The following NRXN2 variants were observed in gnomAD, a reference collection of about 807,000 sequenced individuals.
The protein encoded by NRXN2 is neurexin-2-beta.
In NRXN2, 29 loss-of-function variants were observed where a neutral mutation model predicts 128.8. The observed-to-expected ratio is 0.23, with a 90% CI of 0.17 to 0.31. The LOEUF (loss-of-function observed/expected upper bound fraction) is 0.31, where lower values mean the gene tolerates loss of function less well. NRXN2 is among the 10% of genes least tolerant of loss of function. The pLI is 1.00. For missense variants in NRXN2, 1,881 were observed against 2,452.6 expected, an observed-to-expected ratio of 0.77 and a Z score of 4.92; for synonymous variants, 1,098 against 1,075.2, an observed-to-expected ratio of 1.02 and a Z score of -0.41.
At chr11:64,719,200 C>T (rs2057373255) in intron 1 of NRXN2, among the ~76,000 whole-genome samples, 1 of 152,088 alleles carries the variant, frequency 6.6e-6, no homozygotes, top group Admixed American at 6.6e-5. Context: ...TCCTCTGATC[C>T]TCACCAGGGC....
At chr11:64,658,888 G>A (rs1019175583) in intron 11 of NRXN2, among the ~76,000 whole-genome samples, 2 of 152,108 alleles carry the variant, frequency 1.3e-5, no homozygotes, top group African/African-American at 4.8e-5. Context: ...AGCCAGGCGT[G>A]GTGGCGGGTG....
At position 64,650,492 on chromosome 11, in the gene NRXN2, G is replaced by C. The variant is rs923301973; in HGVS notation, c.3065C>G (p.Thr1022Ser). 6 of 1,614,128 alleles carry C rather than the reference G, an allele frequency of 3.7e-6. No homozygotes were observed. The Admixed American group carries it at 6.7e-5, about 18-fold the overall frequency. ...NVHTLKIDSR[T>S]VTQHSNGARN... The stretch of plus-strand genomic sequence containing the variant: ...GGCGCCATTGGAGTGCTGCGTGACA[G>C]TGCGGGAGTCAATCTTGAGCGTGTG... Residue 1022 changes from threonine to serine, a missense_variant, in exon 15 of 23, where the codon ACT becomes AGT. This residue lies in a region of NRXN2 where 390 missense variants were observed against 599.6 expected (regional missense o/e 0.65). Coordinates refer to ENST00000265459, the MANE Select transcript of NRXN2 (RefSeq NM_015080.4).
At chr11:64,687,485 C>G (rs2053222731) in intron 5 of NRXN2, among the ~76,000 whole-genome samples, 1 of 152,204 alleles carries the variant, frequency 6.6e-6, no homozygotes, top group African/African-American at 2.4e-5. Flanking sequence ...CTGGCAAGGC[C>G]CGGTTTCCTG....
chr11:64,608,887 TAG>T (rs915716263), intron 22 of NRXN2, among the ~76,000 whole-genome samples: 4 of 151,960 alleles, frequency 2.6e-5, no homozygotes, highest in African/African-American at 9.7e-5. Context: ...CAGGAGGGCT[TAG>T]AGAGTAGGGA....
chr11:64,689,514 C>A (rs59450926), intron 5 of NRXN2, among the ~76,000 whole-genome samples: 2 of 152,174 alleles, frequency 1.3e-5, no homozygotes, highest in Non-Finnish European at 2.9e-5. Flanking sequence ...TTGCTGAGCA[C>A]ACAGCTACTT....
rs2057181560 is a variant in NRXN2 at position 64,713,761 on chromosome 11, C to T, written c.-62G>A. 1 of 950,146 alleles carries T rather than the reference C, an allele frequency of 1.1e-6. No homozygotes were observed. The highest frequency in any genetic ancestry group is 1.3e-6 in the Non-Finnish European group (1 of 790,244). 58.9% of individuals were successfully genotyped at this position (950,146 alleles called of 1,614,324 possible). ...CCCGCTCAGGCTTCAGAGCCGCGGG[C>T]GCATGGGGCGGGAGGGGGCCGGGCG... On this transcript the variant is annotated 5_prime_UTR_variant, in exon 2 of 23. Transcript: ENST00000265459.
At position 64,607,909 on chromosome 11, in the gene NRXN2, G is replaced by C; in HGVS notation, c.4426C>G (p.Pro1476Ala). 1 of 1,563,898 alleles carries C rather than the reference G, an allele frequency of 6.4e-7. No homozygotes were observed. Among genetic ancestry groups the C allele is most frequent in the Non-Finnish European group, 8.7e-7 (1 of 1,155,280 alleles). The change falls in exon 23 of 23, where the codon CCG becomes GCG. Residue 1476 changes from proline (P) to alanine (A), a missense_variant. Physicochemically the swap from Pro to Ala is conservative, Grantham distance 27. This residue lies in a region of NRXN2 where 310 missense variants were observed against 318.2 expected (regional missense o/e 0.97). Transcript: ENST00000265459. ...PAARRPPSGG[P>A]CQAERDDSDC... ...CTGTCGTCCCGCTCGGCCTGGCACGGGCCCCCAGAGGGCGGGCGGCGCGCG... is the reference window on the plus strand; with the variant it reads ...CTGTCGTCCCGCTCGGCCTGGCACGCGCCCCCAGAGGGCGGGCGGCGCGCG...
At chr11:64,670,330 C>T (rs1356671612) in intron 7 of NRXN2, among the ~76,000 whole-genome samples, 1 of 151,936 alleles carries the variant, frequency 6.6e-6, no homozygotes, top group Non-Finnish European at 1.5e-5. Context: ...CACCCTAAGG[C>T]TGGGAAGTAG....
Position 64,660,734 on chromosome 11 carries a change from G to C in NRXN2, c.2185+19C>G, listed in dbSNP as rs760856800. On this transcript the variant is annotated intron_variant, in intron 10 of 22. Transcript: ENST00000265459. This position sits in a 1 kb window ranked among gnomAD's most constrained non-coding sequence, Gnocchi z 5.2. ...CAGGGATAGGGAGCAGGGACACCTA[G>C]GATGAAGACCAGCCTCACCTCTCTC... 6.2e-7 allele frequency: 1 copy of C among 1,608,174 alleles called. No homozygotes were observed. Among genetic ancestry groups the C allele is most frequent in the South Asian group, 1.1e-5 (1 of 91,084 alleles).
intron 22 of NRXN2, among the ~76,000 whole-genome samples, chr11:64,615,093 G>A (rs1323766060): frequency 6.6e-6 from 1 of 152,218 alleles, no homozygotes; most frequent in Non-Finnish European, 1.5e-5. Flanking sequence ...CTTAAAGCTA[G>A]GCTGGGCCCC....
Position 64,632,815 on chromosome 11 carries a change from C to G in NRXN2, c.3586-2242G>C, listed in dbSNP as rs2044118066. Among the ~76,000 whole-genome samples the G allele has an allele frequency of 1.3e-5, 2 of 152,240 alleles. No individual in the cohort carries two copies. Among genetic ancestry groups the G allele is most frequent in the Non-Finnish European group, 2.9e-5 (2 of 68,038 alleles). ...CGGCGGTGGGGAGAACGAAGCCGCT[C>G]CTACAGCAAATAATTATGGGAGTCA... On this transcript the variant is annotated intron_variant, in intron 18 of 22. Coordinates refer to ENST00000265459, the MANE Select transcript of NRXN2 (RefSeq NM_015080.4). This position sits in a 1 kb window ranked among gnomAD's most constrained non-coding sequence, Gnocchi z 4.2.
In NRXN2 at chr11:64,713,131, G is replaced by A. The variant is rs1473944899; in HGVS notation, c.569C>T (p.Ala190Val). 3 of 1,433,524 alleles carry A rather than the reference G, an allele frequency of 2.1e-6. No homozygotes were observed. The highest frequency in any genetic ancestry group is 2.5e-5 in the Admixed American group (1 of 40,218). The allele number at this position is 1,433,524 out of a possible 1,614,324, so 88.8% of individuals were successfully genotyped here. ...ANLKLGERPP[A>V]LLGSQGLRGA... Reference sequence around the variant, plus strand: ...GCGCAGGCCCTGGCTGCCCAGCAGCGCGGGGGGCCGCTCGCCCAGCTTCAG... The same window carrying A: ...GCGCAGGCCCTGGCTGCCCAGCAGCACGGGGGGCCGCTCGCCCAGCTTCAG... The change falls in exon 2 of 23, where the codon GCG becomes GTG. Residue 190 changes from alanine (A) to valine (V), a missense_variant. Physicochemically the swap from Ala to Val is moderately conservative, Grantham distance 64. Coordinates refer to ENST00000265459, the MANE Select transcript of NRXN2 (RefSeq NM_015080.4).
At chr11:64,682,491 C>T (rs192550404) in intron 6 of NRXN2, among the ~76,000 whole-genome samples, 7 of 150,138 alleles carry the variant, frequency 4.7e-5, no homozygotes, top group South Asian at 2.1e-4. Context: ...TCCATCCTTG[C>T]GGACCGCATC....
At chr11:64,706,952 AT>A (rs371730762) in intron 2 of NRXN2, among the ~76,000 whole-genome samples, 65,886 of 134,958 alleles carry the variant, frequency 0.49, 16,603 homozygotes, top group Non-Finnish European at 0.63. Flanking sequence ...GTGTATCCCC[AT>A]TTTTTTTTTT....
chr11:64,687,542 C>A (rs2053232093), intron 5 of NRXN2, among the ~76,000 whole-genome samples: 2 of 152,212 alleles, frequency 1.3e-5, no homozygotes, highest in African/African-American at 4.8e-5. Context: ...AACATCGGGA[C>A]AGTCTGAATC....
In NRXN2 at chr11:64,660,288, C is replaced by A. The variant is rs1003151247; in HGVS notation, c.2389+44G>T. ...GACAGAGGCAGGTGTGGGTCAGAGACAAGGCCAGGTGAGGGGTCAGGAAGC... is the reference window on the plus strand; with the variant it reads ...GACAGAGGCAGGTGTGGGTCAGAGAAAAGGCCAGGTGAGGGGTCAGGAAGC... On this transcript the variant is annotated intron_variant, in intron 11 of 22. Transcript: ENST00000265459. The surrounding 1 kb of genome is among the most constrained non-coding windows in gnomAD (Gnocchi z 5.2). 1.2e-6 allele frequency: 2 copies of A among 1,601,160 alleles called. No homozygotes were observed. Among genetic ancestry groups the A allele is most frequent in the African/African-American group, 2.7e-5 (2 of 74,708 alleles).
At position 64,607,446 on chromosome 11, in the gene NRXN2, C is replaced by G; in HGVS notation, c.4889G>C (p.Arg1630Pro). Residue 1630 changes from arginine (R) to proline (P), a missense_variant, in exon 23 of 23, where the codon CGG becomes CCG. Physicochemically the swap from Arg to Pro is moderately radical, Grantham distance 103. Coordinates refer to ENST00000265459, the MANE Select transcript of NRXN2 (RefSeq NM_015080.4). ...RGPPGAVEVI[R>P]ESSSTTGMVV... ...CATGCCCGTGGTGCTGCTGGACTCC[C>G]GGATCACCTCCACTGCGCCCGGCGG... 1 of 1,612,368 alleles carries G rather than the reference C, an allele frequency of 6.2e-7. No homozygotes were observed. Among genetic ancestry groups the G allele is most frequent in the Non-Finnish European group, 8.5e-7 (1 of 1,179,858 alleles).
chr11:64,661,528 G>T (rs1244979437), intron 9 of NRXN2: 2 of 507,484 alleles, frequency 3.9e-6, no homozygotes, highest in African/African-American at 2.0e-5. Flanking sequence ...ACTGGGAACC[G>T]GAAGCAGAGA....
Position 64,660,386 on chromosome 11 carries a change from C to A in NRXN2, c.2335G>T (p.Asp779Tyr). The A allele has an allele frequency of 6.2e-7, 1 of 1,614,128 alleles. No homozygotes were observed. Among genetic ancestry groups the A allele is most frequent in the Non-Finnish European group, 8.5e-7 (1 of 1,180,028 alleles). Reference protein sequence around the residue: ...MMATTSRESADTLRLELDGGQ... With the variant: ...MMATTSRESAYTLRLELDGGQ... ...CCATCCAGCTCCAGGCGTAGGGTGT[C>A]GGCAGACTCCCTGGAAGTGGTGGCC... The change falls in exon 11 of 23, where the codon GAC becomes TAC. Residue 779 changes from aspartate (D) to tyrosine (Y), a missense_variant. Transcript: ENST00000265459. The surrounding 1 kb of genome is among the most constrained non-coding windows in gnomAD (Gnocchi z 5.2).
Sources: gnomAD v4.1 joint callset for allele counts (sites outside exome capture counted in the v4.1 genomes callset) on GRCh38, gnomAD v4.1.1 for gene constraint, gnomAD v4.1.1 regional missense constraint, Gnocchi (gnomAD v3.1) non-coding constraint, MANE v1.5 for transcripts, NCBI Gene and HGNC (gene_info 2026-07-23, HGNC 2026-07-21) for gene names.